NOS1AP: variants seen among roughly 807,000 people sequenced by gnomAD.
The protein encoded by NOS1AP is nitric oxide synthase 1 adaptor protein, also known as carboxyl-terminal PDZ ligand of neuronal nitric oxide synthase protein.
NOS1AP carries 21 observed loss-of-function variants against 56.2 expected under a neutral mutation model. That is an observed-to-expected ratio of 0.37 (90% CI 0.26 to 0.54). The LOEUF (loss-of-function observed/expected upper bound fraction) is 0.54, where lower values mean the gene tolerates loss of function less well. NOS1AP is among the 20% of genes least tolerant of loss of function. The pLI is 0.84. For synonymous variants in NOS1AP, 270 were observed against 274.6 expected, an observed-to-expected ratio of 0.98 and a Z score of 0.17; for missense variants, 522 against 657.8, an observed-to-expected ratio of 0.79 and a Z score of 2.26.
chr1:162,102,240 G>T (rs141620884), intron 1 of NOS1AP, among the ~76,000 whole-genome samples: 144 of 152,312 alleles, frequency 9.5e-4, no homozygotes, highest in Non-Finnish European at 1.8e-3. Context: ...GTTATGTGAT[G>T]AATTACATTT....
At chr1:162,295,462 A>C (rs541544937) in intron 3 of NOS1AP, among the ~76,000 whole-genome samples, 3 of 152,330 alleles carry the variant, frequency 2.0e-5, no homozygotes, top group East Asian at 3.9e-4. Context: ...TTGATTTATA[A>C]TCCCATAGGT....
intron 8 of NOS1AP, chr1:162,362,886 A>G: frequency 1.2e-5 from 11 of 923,430 alleles, no homozygotes; most frequent in Non-Finnish European, 1.4e-5. Flanking sequence ...ACCATCTGAC[A>G]TCCAGATTAC....
At chr1:162,366,977 G>C in intron 9 of NOS1AP, 75 bp from the exon 10 acceptor site, 1 of 1,568,986 alleles carries the variant, frequency 6.4e-7, no homozygotes. Context: ...GGGCACGGGC[G>C]GGCAGAAGGC....
At chr1:162,225,296 T>G (rs1048629169) in intron 2 of NOS1AP, among the ~76,000 whole-genome samples, 1 of 152,298 alleles carries the variant, frequency 6.6e-6, no homozygotes, top group Non-Finnish European at 1.5e-5. Context: ...TGGGGCAGTG[T>G]GCCTTCTGTC....
chr1:162,266,711 T>C (rs576905215), intron 2 of NOS1AP, among the ~76,000 whole-genome samples: 3 of 152,360 alleles, frequency 2.0e-5, no homozygotes, highest in South Asian at 2.1e-4. Context: ...TAGTTCTGAA[T>C]TGCCTTCTGC....
At chr1:162,206,347 G>C (rs1262450663) in intron 2 of NOS1AP, among the ~76,000 whole-genome samples, 2 of 152,150 alleles carry the variant, frequency 1.3e-5, no homozygotes, top group African/African-American at 4.8e-5. Flanking sequence ...GAGAGGATGG[G>C]AAGACCCTAT....
chr1:162,158,757 T>C (rs1272931044), intron 2 of NOS1AP, among the ~76,000 whole-genome samples: 1 of 152,136 alleles, frequency 6.6e-6, no homozygotes, highest in African/African-American at 2.4e-5. Context: ...CTCTGATCTC[T>C]ACAATGACCC....
chr1:162,352,301 C>T (rs1027517114), intron 6 of NOS1AP, among the ~76,000 whole-genome samples: 7 of 152,124 alleles, frequency 4.6e-5, no homozygotes, highest in Admixed American at 1.3e-4. Flanking sequence ...TCAGGTGACC[C>T]ACCCACCCCG....
chr1:162,266,119 G>A (rs564961409), intron 2 of NOS1AP, among the ~76,000 whole-genome samples: 16 of 152,272 alleles, frequency 1.1e-4, no homozygotes, highest in Admixed American at 7.8e-4. Context: ...TCATGGCTGC[G>A]TAAGTTGCAA....
At chr1:162,295,558 A>G (rs139474318) in intron 3 of NOS1AP, among the ~76,000 whole-genome samples, 22 of 151,980 alleles carry the variant, frequency 1.4e-4, no homozygotes, top group African/African-American at 5.1e-4. Flanking sequence ...GTATTTCCAT[A>G]TAGAAAAGTG....
intron 2 of NOS1AP, among the ~76,000 whole-genome samples, chr1:162,248,442 C>T (rs1653744501): frequency 6.6e-6 from 1 of 152,038 alleles, no homozygotes; most frequent in Admixed American, 6.6e-5. Flanking sequence ...TTAAATTTAC[C>T]ATAATCTTCT....
At chr1:162,257,330 T>C (rs1340289122) in intron 2 of NOS1AP, among the ~76,000 whole-genome samples, 2 of 152,018 alleles carry the variant, frequency 1.3e-5, no homozygotes, top group Non-Finnish European at 2.9e-5. Flanking sequence ...GAAGTGCTGC[T>C]GGAGGTAGCT....
At chr1:162,352,720 T>G (rs1216968406) in intron 6 of NOS1AP, among the ~76,000 whole-genome samples, 1 of 152,108 alleles carries the variant, frequency 6.6e-6, no homozygotes, top group Non-Finnish European at 1.5e-5. Context: ...TCGCTTCTTA[T>G]AAGGGCATGA....
chr1:162,290,376 CT>C (rs774309182), intron 3 of NOS1AP, among the ~76,000 whole-genome samples: 4 of 152,138 alleles, frequency 2.6e-5, no homozygotes, highest in Non-Finnish European at 5.9e-5. Flanking sequence ...AGCAATCAGC[CT>C]TTTTGTCATC....
rs995363883 is a variant in NOS1AP at position 162,162,615 on chromosome 1, T to C, written c.177+8139T>C. Among the ~76,000 whole-genome samples, 5 of 152,344 alleles carry C rather than the reference T, an allele frequency of 3.3e-5. No individual in the cohort carries two copies. The East Asian group carries it at 7.7e-4, about 23-fold the overall frequency. On this transcript the variant is annotated intron_variant, in intron 2 of 9. Transcript: ENST00000361897. ...TTCCTGTTGTGAGCAGTGATATCATTTCAGTTACAAGGACAAAGTATTCTC... is the reference window on the plus strand; with the variant it reads ...TTCCTGTTGTGAGCAGTGATATCATCTCAGTTACAAGGACAAAGTATTCTC...
chr1:162,086,205 A>C (rs1691998300), intron 1 of NOS1AP, among the ~76,000 whole-genome samples: 1 of 152,060 alleles, frequency 6.6e-6, no homozygotes, highest in Admixed American at 6.5e-5. Flanking sequence ...AGGGGTTTTA[A>C]ATGATGATTC....
intron 3 of NOS1AP, among the ~76,000 whole-genome samples, chr1:162,299,298 G>A (rs1015112335): frequency 2.0e-5 from 3 of 149,462 alleles, no homozygotes; most frequent in African/African-American, 7.3e-5. Context: ...ACATTAAAAG[G>A]CTGTGTCTCT....
At chr1:162,125,920 C>T (rs747484106) in intron 1 of NOS1AP, among the ~76,000 whole-genome samples, 8 of 151,876 alleles carry the variant, frequency 5.3e-5, no homozygotes, top group Non-Finnish European at 8.8e-5. Context: ...GAATGTATTG[C>T]CATTTGTTTG....
intron 2 of NOS1AP, among the ~76,000 whole-genome samples, chr1:162,262,029 G>A (rs1654256692): frequency 6.6e-6 from 1 of 152,198 alleles, no homozygotes; most frequent in Non-Finnish European, 1.5e-5. Flanking sequence ...AGGGCATTGA[G>A]GGAGGCTTGC....
Sources: gnomAD v4.1 joint callset for allele counts (sites outside exome capture counted in the v4.1 genomes callset) on GRCh38, gnomAD v4.1.1 for gene constraint, MANE v1.5 for transcripts, NCBI Gene and HGNC (gene_info 2026-07-23, HGNC 2026-07-21) for gene names.